ENOX1: variants seen among roughly 807,000 people sequenced by gnomAD.
ENOX1 encodes candidate growth-related and time keeping constitutive hydroquinone (NADH) oxidase.
In ENOX1, 42 loss-of-function variants were observed where a neutral mutation model predicts 82.5. That is an observed-to-expected ratio of 0.51 (90% confidence interval 0.40 to 0.66). The LOEUF (loss-of-function observed/expected upper bound fraction) is 0.66, where lower values mean the gene tolerates loss of function less well. Among genes scored for constraint, ENOX1 ranks in the 30% least tolerant of loss-of-function variants. The probability of loss-of-function intolerance (pLI) is 0.00; values close to 1 mark genes in which losing one functional copy is unlikely to be tolerated. For synonymous variants in ENOX1, 271 were observed against 282.2 expected (o/e 0.96, Z 0.40); for missense variants, 608 against 811.6 (o/e 0.75, Z 3.05).
At chr13:43,283,502 C>T (rs148849867) in intron 12 of ENOX1, among the ~76,000 whole-genome samples, 5 of 152,082 alleles carry the variant, frequency 3.3e-5, no homozygotes, top group African/African-American at 4.8e-5. Context: ...GAGAATACAG[C>T]GGTGTAATCA....
Position 43,224,040 on chromosome 13 carries a change from C to G in ENOX1, c.1800+13G>C. 6.2e-7 allele frequency: 1 copy of G among 1,609,920 alleles called. No individual in the cohort carries two copies. The highest frequency in any genetic ancestry group is 8.5e-7 in the Non-Finnish European group (1 of 1,176,534). On this transcript the variant is annotated intron_variant, in intron 16 of 16. Transcript: ENST00000690772. ...TTTGAGCAACGAAAGTTCACTCGAG[C>G]AAAATAATTTACCTTGGAGTCCAGC...
At chr13:43,367,772 G>A (rs1032506478) in intron 5 of ENOX1, among the ~76,000 whole-genome samples, 9 of 152,052 alleles carry the variant, frequency 5.9e-5, no homozygotes, top group Non-Finnish European at 1.3e-4. Context: ...GGAGTGTCAG[G>A]GAAGGAATCC....
chr13:43,546,760 C>G (rs1393180585), intron 2 of ENOX1: 1 of 152,150 alleles, frequency 6.6e-6, no homozygotes, highest in African/African-American at 2.4e-5. Context: ...TCACCTATCA[C>G]CATACATCTC....
intron 1 of ENOX1, among the ~76,000 whole-genome samples, chr13:43,750,608 T>C (rs924166887): frequency 6.6e-6 from 1 of 152,192 alleles, no homozygotes; most frequent in African/African-American, 2.4e-5. Flanking sequence ...GCAAGATCTC[T>C]GATCTGGAAC....
chr13:43,681,710 C>T (rs2085795971), intron 1 of ENOX1, among the ~76,000 whole-genome samples: 1 of 151,412 alleles, frequency 6.6e-6, no homozygotes, highest in African/African-American at 2.4e-5. Context: ...CACACACACA[C>T]ACACACACAC....
chr13:43,544,915 A>G (rs1359608493), intron 2 of ENOX1: 1 of 152,218 alleles, frequency 6.6e-6, no homozygotes, highest in Non-Finnish European at 1.5e-5. Flanking sequence ...AAGAGAGAAC[A>G]GTGGTTTTGC....
At chr13:43,777,299 T>C (rs942035768) in intron 1 of ENOX1, among the ~76,000 whole-genome samples, 4 of 152,106 alleles carry the variant, frequency 2.6e-5, no homozygotes, top group Non-Finnish European at 5.9e-5. Context: ...TGAAAAAAAT[T>C]CTTAAGAAAA....
chr13:43,454,054 T>C (rs1218561655), intron 3 of ENOX1, among the ~76,000 whole-genome samples: 2 of 152,164 alleles, frequency 1.3e-5, no homozygotes, highest in Non-Finnish European at 2.9e-5. Flanking sequence ...TTGCTTTATT[T>C]GGGGTGTGGG....
At chr13:43,356,174 G>T in intron 7 of ENOX1, 22 bp from the exon 8 acceptor site, 1 of 1,610,164 alleles carries the variant, frequency 6.2e-7, no homozygotes, top group Non-Finnish European at 8.5e-7. Flanking sequence ...GGAAACTCTG[G>T]TCACACCATA....
At chr13:43,520,719 C>A (rs2077732929) in intron 2 of ENOX1, among the ~76,000 whole-genome samples, 1 of 152,146 alleles carries the variant, frequency 6.6e-6, no homozygotes. Context: ...GGTACTGAGA[C>A]AGAAGACATA....
At chr13:43,391,122 T>C (rs1004521943) in intron 5 of ENOX1, among the ~76,000 whole-genome samples, 12 of 152,192 alleles carry the variant, frequency 7.9e-5, no homozygotes, top group African/African-American at 2.4e-4. Context: ...CCGGCCCCCA[T>C]TGCAGTCTTT....
chr13:43,316,669 A>G (rs1166384856), intron 11 of ENOX1, among the ~76,000 whole-genome samples: 5 of 151,990 alleles, frequency 3.3e-5, no homozygotes, highest in African/African-American at 7.3e-5. Context: ...AAGCATATCC[A>G]TTACGGAAAG....
intron 3 of ENOX1, among the ~76,000 whole-genome samples, chr13:43,415,537 C>T (rs574435535): frequency 9.2e-5 from 14 of 152,256 alleles, no homozygotes; most frequent in African/African-American, 3.4e-4. Context: ...TGACACAGCA[C>T]ATGTTTCAGA....
At chr13:43,290,656 T>C (rs978806814) in intron 12 of ENOX1, among the ~76,000 whole-genome samples, 3 of 152,200 alleles carry the variant, frequency 2.0e-5, no homozygotes, top group African/African-American at 7.2e-5. Context: ...ACCCAGGTGA[T>C]GGGATCTGTA....
chr13:43,776,336 C>T (rs1951916813), intron 1 of ENOX1, among the ~76,000 whole-genome samples: 1 of 152,104 alleles, frequency 6.6e-6, no homozygotes, highest in Non-Finnish European at 1.5e-5. Context: ...TTGGAAACCA[C>T]AGTCGAGGAG....
chr13:43,595,773 G>A (rs1020630748), intron 2 of ENOX1, among the ~76,000 whole-genome samples: 1 of 152,154 alleles, frequency 6.6e-6, no homozygotes, highest in Admixed American at 6.5e-5. Flanking sequence ...CTAAAATAAA[G>A]GCTAAGGTTT....
Position 43,236,661 on chromosome 13 carries a change from T to A in ENOX1, c.1689A>T (p.Lys563Asn), listed in dbSNP as rs546594153. 1 of 1,585,972 alleles carries A rather than the reference T, an allele frequency of 6.3e-7. No individual in the cohort carries two copies. The highest frequency in any genetic ancestry group is 8.5e-7 in the Non-Finnish European group (1 of 1,172,738). The part of the protein sequence containing the change: ...NNIEKRSQGL[K>N]SEKEALLIGI... ...CTATTAGCAGAGCTTCTTTCTCTGATTTTAAGCCTTGGCTTCTTTTCTCAA... is the reference window on the plus strand; with the variant it reads ...CTATTAGCAGAGCTTCTTTCTCTGAATTTAAGCCTTGGCTTCTTTTCTCAA... The change falls in exon 15 of 17, where the codon AAA (lysine) becomes AAT (asparagine). Residue 563 changes from lysine (K) to asparagine (N), a missense_variant. By Grantham distance (94) the Lys-to-Asn change is moderately conservative (BLOSUM62 0). Coordinates refer to ENST00000690772, the MANE Select transcript of ENOX1 (RefSeq NM_001347969.2).
At chr13:43,337,673 G>T (rs1393679400) in intron 9 of ENOX1, among the ~76,000 whole-genome samples, 1 of 152,082 alleles carries the variant, frequency 6.6e-6, no homozygotes, top group Non-Finnish European at 1.5e-5. Context: ...TGTGATGACA[G>T]CACACCTCTT....
At chr13:43,406,517 G>A (rs1229862142) in intron 5 of ENOX1, among the ~76,000 whole-genome samples, 9 of 139,396 alleles carry the variant, frequency 6.5e-5, no homozygotes, top group Non-Finnish European at 1.2e-4. Flanking sequence ...TTTTGAGACA[G>A]AGTCTCACTC....
Sources: allele counts gnomAD v4.1 joint callset (sites outside exome capture counted in the v4.1 genomes callset), GRCh38; gene constraint gnomAD v4.1.1; transcripts MANE v1.5; gene names NCBI Gene and HGNC (gene_info 2026-07-23, HGNC 2026-07-21).